Variants in WDR27 observed in about 807,000 individuals in gnomAD.
WDR27 encodes WD repeat domain 27.
WDR27 carries 100 observed loss-of-function variants against 114.4 expected under a neutral mutation model. The observed-to-expected ratio is 0.87, with a 90% CI of 0.74 to 1.03. The LOEUF is 1.03. Among genes scored for constraint, WDR27 ranks in the 50% least tolerant of loss-of-function variants. The probability of loss-of-function intolerance (pLI) is 0.00; values close to 1 mark genes in which losing one functional copy is unlikely to be tolerated. For synonymous variants in WDR27, 449 were observed against 423.1 expected (o/e 1.06, Z -0.75); for missense variants, 1,129 against 1,092.9 (o/e 1.03, Z -0.47).
chr6:169,699,181 G>C (rs1787125035), intron 1 of WDR27, among the ~76,000 whole-genome samples: 1 of 152,176 alleles, frequency 6.6e-6, no homozygotes, highest in African/African-American at 2.4e-5. Flanking sequence ...CTAGAGAACT[G>C]GCTGGTGTGC....
intron 23 of WDR27, among the ~76,000 whole-genome samples, chr6:169,599,229 C>T (rs1483088838): frequency 6.6e-6 from 1 of 150,892 alleles, no homozygotes; most frequent in Non-Finnish European, 1.5e-5. Flanking sequence ...CAAAAGAGCA[C>T]AGAGGACAAT....
At position 169,604,199 on chromosome 6, in the gene WDR27, T is replaced by A. The variant is rs571542245; in HGVS notation, c.2322-1878A>T. ...AGTTATTTGAGAAGATAAACAAAAT[T>A]GATAAACCACTTGTAGACTAACCAA... On this transcript the variant is annotated intron_variant, in intron 22 of 25. Coordinates refer to ENST00000448612, the MANE Select transcript of WDR27 (RefSeq NM_182552.5). Among the ~76,000 whole-genome samples, 4 of 152,160 alleles carry A rather than the reference T, an allele frequency of 2.6e-5. No individual in the cohort carries two copies. The South Asian group carries it at 8.3e-4, about 32-fold the overall frequency.
chr6:169,541,349 C>T (rs910950998), intron 25 of WDR27, among the ~76,000 whole-genome samples: 1 of 152,170 alleles, frequency 6.6e-6, no homozygotes, highest in African/African-American at 2.4e-5. Flanking sequence ...TGACCCACAA[C>T]GATCTACTCT....
chr6:169,439,545 T>C, the WDR27 span, among the ~76,000 whole-genome samples: 5 of 152,158 alleles, frequency 3.3e-5, no homozygotes, highest in Non-Finnish European at 5.9e-5. Context: ...TTCATAAAAC[T>C]GCTAACCAAG....
At chr6:169,537,999 A>T (rs1796385709) in intron 25 of WDR27, among the ~76,000 whole-genome samples, 1 of 152,032 alleles carries the variant, frequency 6.6e-6, no homozygotes, top group Non-Finnish European at 1.5e-5. Context: ...TGGGATGCCA[A>T]AGATTTTCTT....
At chr6:169,582,696 G>C (rs1562627552) in intron 24 of WDR27, 140 bp downstream of exon 24, 1 of 547,446 alleles carries the variant, frequency 1.8e-6, no homozygotes, top group Non-Finnish European at 3.2e-6. Context: ...TATTTCCTAA[G>C]TTCTCCTTGC....
chr6:169,440,906 T>G, the WDR27 span, among the ~76,000 whole-genome samples: 1 of 152,178 alleles, frequency 6.6e-6, no homozygotes, highest in Non-Finnish European at 1.5e-5. Flanking sequence ...ATCTGCTGAG[T>G]TGGTTGCCCT....
downstream of WDR27, among the ~76,000 whole-genome samples, chr6:169,456,844 C>A (rs1784368047): frequency 2.7e-5 from 4 of 150,362 alleles, no homozygotes; most frequent in South Asian, 8.5e-4. The surrounding 1 kb of genome is among the most constrained non-coding windows in gnomAD (Gnocchi z 4.0). Context: ...ACGGACACAG[C>A]CCATGCTCAC....
intron 23 of WDR27, among the ~76,000 whole-genome samples, chr6:169,595,556 CTT>C (rs1806618122): frequency 1.3e-5 from 2 of 152,160 alleles, no homozygotes; most frequent in South Asian, 2.1e-4. Flanking sequence ...CAACTGATCT[CTT>C]CTTATTCAAT....
At chr6:169,522,867 A>C (rs959363874) in intron 25 of WDR27, among the ~76,000 whole-genome samples, 1 of 152,008 alleles carries the variant, frequency 6.6e-6, no homozygotes, top group African/African-American at 2.4e-5. Flanking sequence ...AAAAGTAGAA[A>C]GGCTTCAAAT....
At chr6:169,656,394 G>C (rs1824198716) in intron 13 of WDR27, among the ~76,000 whole-genome samples, 1 of 152,144 alleles carries the variant, frequency 6.6e-6, no homozygotes, top group Non-Finnish European at 1.5e-5. Context: ...TGGAGGTTGG[G>C]TTTCCCTGGG....
rs566508111 is a variant in WDR27, at chr6:169,527,038, G to A, written c.2645+45381C>T. ...TAGAGCAACTGGAATCCTTATACACGGCTAGTGGGAATGTAAAATAATGTA... is the reference window on the plus strand; with the variant it reads ...TAGAGCAACTGGAATCCTTATACACAGCTAGTGGGAATGTAAAATAATGTA... On this transcript the variant is annotated intron_variant, in intron 25 of 25. Transcript: ENST00000448612. 2.8e-3 allele frequency among the ~76,000 whole-genome samples: 419 copies of A among 152,272 alleles called. 4 individuals carry two copies. The highest frequency in any genetic ancestry group is 0.014 in the Admixed American group (207 of 15,292).
At chr6:169,443,716 TCGCTCAGCCACCAAGGA>T in the WDR27 span, among the ~76,000 whole-genome samples, 1 of 152,208 alleles carries the variant, frequency 6.6e-6, no homozygotes, top group Non-Finnish European at 1.5e-5. Flanking sequence ...CCTGATGTCA[TCGCTCAGCCACCAAGGA>T]CATGCACATG....
intron 25 of WDR27, among the ~76,000 whole-genome samples, chr6:169,519,282 C>A (rs1794057336): frequency 1.3e-5 from 2 of 152,194 alleles, no homozygotes; most frequent in Non-Finnish European, 2.9e-5. Flanking sequence ...CAATATCCCA[C>A]TCTTCAGTAC....
chr6:169,660,302 G>A (rs1180067818), intron 10 of WDR27, among the ~76,000 whole-genome samples: 2 of 152,182 alleles, frequency 1.3e-5, no homozygotes, highest in African/African-American at 4.8e-5. Context: ...GGTTTACGCT[G>A]TGCGAGCCTG....
At chr6:169,429,143 C>T in the WDR27 span, among the ~76,000 whole-genome samples, 3 of 152,256 alleles carry the variant, frequency 2.0e-5, no homozygotes, top group East Asian at 1.9e-4. Flanking sequence ...TCCTCTCTCC[C>T]GAGGCTCGTG....
At chr6:169,672,981 C>G (rs974459831) in intron 2 of WDR27, among the ~76,000 whole-genome samples, 1 of 152,086 alleles carries the variant, frequency 6.6e-6, no homozygotes, top group South Asian at 2.1e-4. Context: ...ATGGAGCAGA[C>G]GAGTGTTGGG....
At chr6:169,690,819 G>A (rs571380903) in intron 1 of WDR27, among the ~76,000 whole-genome samples, 13 of 152,292 alleles carry the variant, frequency 8.5e-5, no homozygotes, top group East Asian at 1.9e-4. Context: ...TCTGTGCTGC[G>A]GGCGGGGCAG....
chr6:169,594,791 G>A (rs930804137), intron 23 of WDR27, among the ~76,000 whole-genome samples: 3 of 152,022 alleles, frequency 2.0e-5, no homozygotes, highest in East Asian at 1.9e-4. Context: ...GGATCACTTC[G>A]GATTAAAGCA....
Sources: gnomAD v4.1 joint callset for allele counts (sites outside exome capture counted in the v4.1 genomes callset) on GRCh38, gnomAD v4.1.1 for gene constraint, Gnocchi (gnomAD v3.1) non-coding constraint, MANE v1.5 for transcripts, NCBI Gene and HGNC (gene_info 2026-07-23, HGNC 2026-07-21) for gene names.